CLEC12A: variants seen among roughly 807,000 people sequenced by gnomAD.
The protein encoded by CLEC12A is C-type lectin protein CLL-1.
A neutral mutation model predicts 26.5 loss-of-function variants in CLEC12A; 22 were observed. That is an observed-to-expected ratio of 0.83 (90% confidence interval 0.59 to 1.19). The LOEUF is 1.19. Ranked by LOEUF, CLEC12A falls within the 50% of genes most tolerant of loss-of-function variation. The probability of loss-of-function intolerance (pLI) is 0.00; values close to 1 mark genes in which losing one functional copy is unlikely to be tolerated. For synonymous variants in CLEC12A, 119 were observed against 101.9 expected, an observed-to-expected ratio of 1.17 and a Z score of -1.01; for missense variants, 353 against 315.6, an observed-to-expected ratio of 1.12 and a Z score of -0.90.
At chr12:9,999,095 C>G, downstream of CLEC12A, 1 of 1,607,912 alleles carries the variant, frequency 6.2e-7, no homozygotes, top group Non-Finnish European at 8.5e-7. Flanking sequence ...CATCTTCATC[C>G]TGCATGGCTT....
chr12:9,992,822 T>C (rs1864923551), intron 4 of CLEC12A: 2 of 218,578 alleles, frequency 9.2e-6, no homozygotes, highest in Middle Eastern at 1.7e-3. Context: ...CCCTAACCTA[T>C]ATTGGCCTGA....
In CLEC12A at chr12:9,981,912, A is replaced by G. The variant is rs949524914; in HGVS notation, c.532-108A>G. ...AATGACATTTAATAGTAGTAGTGCA[A>G]TGTCCAGTATGTTACCTTAAAACAG... On this transcript the variant is annotated intron_variant, in intron 4 of 5. Coordinates refer to ENST00000304361, the MANE Select transcript of CLEC12A (RefSeq NM_138337.6). 1.9e-5 allele frequency: 11 copies of G among 573,134 alleles called. No homozygotes were observed. In the African/African-American group the frequency reaches 2.1e-4, roughly 11 times the overall value. The allele number at this position is 573,134 out of a possible 1,614,324, so 35.5% of individuals were successfully genotyped here.
In CLEC12A at chr12:9,981,133, T is replaced by G. The variant is rs114495066; in HGVS notation, c.531+400T>G. Among the ~76,000 whole-genome samples the G allele has an allele frequency of 3.2e-3, 491 of 152,304 alleles. 2 individuals are homozygous for G. Among genetic ancestry groups the G allele is most frequent in the African/African-American group, 0.011 (444 of 41,566 alleles). On this transcript the variant is annotated intron_variant, in intron 4 of 5. Coordinates refer to ENST00000304361, the MANE Select transcript of CLEC12A (RefSeq NM_138337.6). Reference sequence around the variant, plus strand: ...ATGTTTTGTTTCTACCATTTTGTATTTTTTAATTCACTAAGAGAAATAGGC... The same window carrying G: ...ATGTTTTGTTTCTACCATTTTGTATGTTTTAATTCACTAAGAGAAATAGGC...
chr12:9,984,659 AGG>A (rs1396190360), intron 5 of CLEC12A, among the ~76,000 whole-genome samples: 1 of 152,208 alleles, frequency 6.6e-6, no homozygotes, highest in Non-Finnish European at 1.5e-5. Flanking sequence ...TGGAAAAAGC[AGG>A]GAGAAATGAA....
chr12:9,973,994 T>C (rs917114114), intron 1 of CLEC12A, among the ~76,000 whole-genome samples: 1 of 152,198 alleles, frequency 6.6e-6, no homozygotes, highest in African/African-American at 2.4e-5. Context: ...AACTCAACTT[T>C]TGAAAGCATT....
chr12:9,960,471 T>C (rs968678440), intron 1 of CLEC12A, among the ~76,000 whole-genome samples: 1 of 152,204 alleles, frequency 6.6e-6, no homozygotes, highest in Non-Finnish European at 1.5e-5. Context: ...GCCTAAAACG[T>C]TGTTCTAAAA....
chr12:9,967,004 A>G (rs1241722144), upstream of CLEC12A, among the ~76,000 whole-genome samples: 1 of 151,610 alleles, frequency 6.6e-6, no homozygotes, highest in Non-Finnish European at 1.5e-5. Context: ...TTAAGAGGAA[A>G]TTGCTGAACA....
At chr12:9,979,630 TAA>T in intron 3 of CLEC12A, 106 bp downstream of exon 3, 1 of 798,212 alleles carries the variant, frequency 1.3e-6, no homozygotes. Flanking sequence ...TAGGGAGTCA[TAA>T]TTTGGGGGAA....
chr12:9,959,736 C>A (rs1350320579), intron 1 of CLEC12A, among the ~76,000 whole-genome samples: 2 of 152,126 alleles, frequency 1.3e-5, no homozygotes, highest in Admixed American at 6.5e-5. Context: ...TCCAAGGAGA[C>A]CTCAGTTTCC....
At chr12:9,971,751 C>T in intron 1 of CLEC12A, 64 bp downstream of exon 1, 11 of 1,369,666 alleles carry the variant, frequency 8.0e-6, no homozygotes, top group Non-Finnish European at 1.1e-5. Flanking sequence ...AGACTTGCAT[C>T]TTCAATATTA....
chr12:9,986,338 T>A (rs1864764671), downstream of CLEC12A, among the ~76,000 whole-genome samples: 1 of 76,482 alleles, frequency 1.3e-5, no homozygotes, highest in African/African-American at 5.3e-5. Flanking sequence ...TGTTTCAGTC[T>A]CCACTGAAAA....
chr12:9,965,333 T>A (rs1863911580), intron 1 of CLEC12A, among the ~76,000 whole-genome samples: 1 of 152,174 alleles, frequency 6.6e-6, no homozygotes, highest in Admixed American at 6.5e-5. Context: ...CCGGACATGA[T>A]CAGCAGGGAG....
At chr12:9,987,404 T>C (rs1441838570), downstream of CLEC12A, among the ~76,000 whole-genome samples, 1 of 152,222 alleles carries the variant, frequency 6.6e-6, no homozygotes, top group Non-Finnish European at 1.5e-5. Context: ...AATATTGTCA[T>C]TGGGAAATAT....
chr12:9,980,516 A>G (rs1419471175), intron 3 of CLEC12A, 66 bp from the exon 4 acceptor site: 3 of 1,437,994 alleles, frequency 2.1e-6, no homozygotes, highest in Non-Finnish European at 2.9e-6. Flanking sequence ...CACAGAGAGG[A>G]AAGGAAATAA....
chr12:9,987,930 T>G (rs1864808031), downstream of CLEC12A, among the ~76,000 whole-genome samples: 1 of 152,142 alleles, frequency 6.6e-6, no homozygotes, highest in Non-Finnish European at 1.5e-5. Context: ...TGCCTCAGCC[T>G]ACCAACTAGC....
chr12:9,984,819 A>T, intron 5 of CLEC12A, 51 bp from the exon 6 acceptor site: 1 of 1,370,352 alleles, frequency 7.3e-7, no homozygotes, highest in Non-Finnish European at 9.5e-7. Context: ...TTCTGTGAAT[A>T]TGTTTCAAAT....
chr12:9,952,391 G>A (rs1215644037), intron 1 of CLEC12A, among the ~76,000 whole-genome samples: 5 of 150,600 alleles, frequency 3.3e-5, no homozygotes, highest in Admixed American at 2.0e-4. Context: ...TGGCCGGGCC[G>A]GTCTCCAGCC....
At chr12:9,986,027 C>A, downstream of CLEC12A, 1 of 337,738 alleles carries the variant, frequency 3.0e-6, no homozygotes, top group Admixed American at 3.0e-5. Context: ...GTAGCTGGGC[C>A]TAGAGGGAAG....
At chr12:9,983,946 G>C (rs1864662662) in intron 5 of CLEC12A, 1 of 193,480 alleles carries the variant, frequency 5.2e-6, no homozygotes, top group Non-Finnish European at 1.1e-5. Flanking sequence ...TGTCAGGAGA[G>C]AGTACAGATG....
Sources: gnomAD v4.1 joint callset for allele counts (sites outside exome capture counted in the v4.1 genomes callset) on GRCh38, gnomAD v4.1.1 for gene constraint, MANE v1.5 for transcripts, NCBI Gene and HGNC (gene_info 2026-07-23, HGNC 2026-07-21) for gene names.